Variants in RCBTB1 observed in about 807,000 individuals in gnomAD.
RCBTB1 encodes RCC1 and BTB domain-containing protein 1.
RCBTB1 carries 46 observed loss-of-function variants against 62.4 expected under a neutral mutation model. The observed-to-expected ratio is 0.74, with a 90% CI of 0.58 to 0.94. RCBTB1 has a LOEUF of 0.94. Ranked by LOEUF, RCBTB1 falls within the 40% of genes least tolerant of loss-of-function variation. The pLI is 0.00. For synonymous variants in RCBTB1, 222 were observed against 245.8 expected (o/e 0.90, Z 0.91); for missense variants, 565 against 654.9 (o/e 0.86, Z 1.50).
In RCBTB1 at chr13:49,583,309, A is replaced by G. The variant is rs1265187806; in HGVS notation, c.-122+2135T>C. Among the ~76,000 whole-genome samples, 3 of 152,102 alleles carry G rather than the reference A, an allele frequency of 2.0e-5. No homozygotes were observed. The East Asian group carries it at 5.8e-4, about 29-fold the overall frequency. ...AGACCAAGCCCAGAGAAAGCTGGAG[A>G]CCGTAAGTCTTTAGAGGTACCCATC... is the stretch of plus-strand genomic sequence containing the variant. On this transcript the variant is annotated intron_variant, in intron 1 of 12. Transcript: ENST00000378302.
At position 49,585,543 on chromosome 13, in the gene RCBTB1, A is replaced by T. The variant is rs1964362458; in HGVS notation, c.-221T>A. ...CGAGCGAGCGGCGGTGCCCACCGGCAGCGAAGAGGAGGAGCGCCAGGGCGC... is the reference window on the plus strand; with the variant it reads ...CGAGCGAGCGGCGGTGCCCACCGGCTGCGAAGAGGAGGAGCGCCAGGGCGC... On this transcript the variant is annotated 5_prime_UTR_variant, in exon 1 of 13. Coordinates refer to ENST00000378302, the MANE Select transcript of RCBTB1 (RefSeq NM_018191.4). The T allele has an allele frequency of 6.6e-6, 1 of 151,862 alleles. No individual in the cohort carries two copies. Among genetic ancestry groups the T allele is most frequent in the East Asian group, 2.0e-4 (1 of 5,032 alleles). The allele number at this position is 151,862 out of a possible 1,614,324, so 9.4% of individuals were successfully genotyped here.
intron 2 of RCBTB1, among the ~76,000 whole-genome samples, chr13:49,569,347 A>C (rs898541378): frequency 6.6e-6 from 1 of 152,136 alleles, no homozygotes; most frequent in African/African-American, 2.4e-5. Flanking sequence ...CCCAAGCCGG[A>C]AGGACTGCTT....
At chr13:49,580,184 C>T (rs1324699769) in intron 2 of RCBTB1, among the ~76,000 whole-genome samples, 3 of 152,014 alleles carry the variant, frequency 2.0e-5, no homozygotes, top group Non-Finnish European at 4.4e-5. Flanking sequence ...AAAGAAATAT[C>T]GATGATTAGA....
chr13:49,534,349 T>C (rs1436627717), intron 12 of RCBTB1, 87 bp from the exon 13 acceptor site: 1 of 1,319,516 alleles, frequency 7.6e-7, no homozygotes, highest in Non-Finnish European at 1.0e-6. Flanking sequence ...TTACCCCAAA[T>C]CTCTCACCCT....
At chr13:49,572,783 G>C (rs1963495990) in intron 2 of RCBTB1, among the ~76,000 whole-genome samples, 1 of 152,184 alleles carries the variant, frequency 6.6e-6, no homozygotes, top group African/African-American at 2.4e-5. Context: ...AGTGATAAGA[G>C]TGAGACTCTG....
chr13:49,559,465 G>GC (rs889246527), intron 5 of RCBTB1, among the ~76,000 whole-genome samples: 9 of 152,134 alleles, frequency 5.9e-5, no homozygotes, highest in Middle Eastern at 6.8e-3. Context: ...GACCATCCTG[G>GC]CTAACACGGT....
chr13:49,542,901 C>T (rs971964443), intron 10 of RCBTB1, among the ~76,000 whole-genome samples: 3 of 152,178 alleles, frequency 2.0e-5, no homozygotes, highest in Non-Finnish European at 2.9e-5. Flanking sequence ...TTATGTATAA[C>T]ACAGTTGTAT....
Position 49,544,629 on chromosome 13 carries a change from T to G in RCBTB1, c.1172+108A>C, listed in dbSNP as rs902453485. ...TACTATCTGCAAAAATATTAAGTAG[T>G]GACATTTCTCTCTACTACCAAGGCT... is the stretch of plus-strand genomic sequence containing the variant. On this transcript the variant is annotated intron_variant, in intron 10 of 12. Transcript: ENST00000378302. 4 of 845,882 alleles carry G rather than the reference T, an allele frequency of 4.7e-6. No homozygotes were observed. The African/African-American group carries it at 5.1e-5, about 11-fold the overall frequency. 52.4% of individuals were successfully genotyped at this position (845,882 alleles called of 1,614,324 possible).
chr13:49,564,213 C>A (rs533750469), intron 4 of RCBTB1, among the ~76,000 whole-genome samples: 1 of 152,192 alleles, frequency 6.6e-6, no homozygotes, highest in East Asian at 1.9e-4. Flanking sequence ...TACATGAATG[C>A]CAGAGAACAG....
At chr13:49,578,424 C>T (rs534415611) in intron 2 of RCBTB1, among the ~76,000 whole-genome samples, 58 of 152,294 alleles carry the variant, frequency 3.8e-4, no homozygotes, top group African/African-American at 1.4e-3. Flanking sequence ...TAATAGCATA[C>T]ATTAATTCTT....
At chr13:49,547,055 G>A in intron 9 of RCBTB1, 1 of 1,254,096 alleles carries the variant, frequency 8.0e-7, no homozygotes, top group Non-Finnish European at 1.0e-6. Flanking sequence ...AGGTTAAGTA[G>A]TATATACAAA....
At chr13:49,578,313 A>G (rs891876294) in intron 2 of RCBTB1, among the ~76,000 whole-genome samples, 5 of 152,234 alleles carry the variant, frequency 3.3e-5, no homozygotes, top group African/African-American at 4.8e-5. Flanking sequence ...TGACAAGAAA[A>G]AATACTCTAC....
intron 2 of RCBTB1, among the ~76,000 whole-genome samples, chr13:49,571,424 C>T (rs1478044488): frequency 6.6e-6 from 1 of 152,210 alleles, no homozygotes; most frequent in African/African-American, 2.4e-5. Flanking sequence ...CTGGTTAAAC[C>T]TCATGAATGT....
At chr13:49,551,145 A>T (rs1023669039) in intron 8 of RCBTB1, 181 bp downstream of exon 8, 2 of 418,824 alleles carry the variant, frequency 4.8e-6, no homozygotes, top group Non-Finnish European at 7.7e-6. Context: ...AGAAGGGGGA[A>T]GGGGGAAGCA....
At chr13:49,547,290 TCCATGCCCA>T in intron 9 of RCBTB1, 2 of 741,970 alleles carry the variant, frequency 2.7e-6, no homozygotes, top group Non-Finnish European at 3.9e-6. Flanking sequence ...CACCCTTGCC[TCCATGCCCA>T]TGACTGGTCA....
intron 2 of RCBTB1, among the ~76,000 whole-genome samples, chr13:49,577,874 A>G (rs929914265): frequency 6.6e-6 from 1 of 152,250 alleles, no homozygotes; most frequent in Admixed American, 6.5e-5. Context: ...TTTAATTGCA[A>G]AAACTTTGAA....
chr13:49,551,256 C>G, intron 8 of RCBTB1, 70 bp downstream of exon 8: 1 of 1,553,402 alleles, frequency 6.4e-7, no homozygotes. Context: ...CCAAACACCA[C>G]AGCTCTGCCA....
At chr13:49,564,692 C>T (rs1281691023) in intron 4 of RCBTB1, among the ~76,000 whole-genome samples, 7 of 150,526 alleles carry the variant, frequency 4.7e-5, no homozygotes, top group Non-Finnish European at 8.9e-5. Context: ...GAGATCGAGA[C>T]CATCCTGGCT....
intron 10 of RCBTB1, among the ~76,000 whole-genome samples, chr13:49,542,237 ATTAACT>A (rs1960437325): frequency 6.7e-6 from 1 of 150,064 alleles, no homozygotes; most frequent in Non-Finnish European, 1.5e-5. Flanking sequence ...AAGTAAGTAT[ATTAACT>A]ACTATCTGGG....
Sources: allele counts gnomAD v4.1 joint callset (sites outside exome capture counted in the v4.1 genomes callset), GRCh38; gene constraint gnomAD v4.1.1; transcripts MANE v1.5; gene names NCBI Gene and HGNC (gene_info 2026-07-23, HGNC 2026-07-21).